The following FBN2 variants were observed in gnomAD, a reference collection of about 807,000 sequenced individuals.
FBN2 encodes fibrillin-2.
Under a neutral mutation model 355.6 loss-of-function variants are expected in FBN2, and 105 were observed. The ratio of observed to expected loss-of-function variants is 0.30; its 90% CI spans 0.25 to 0.35. FBN2 has a LOEUF of 0.35. FBN2 is among the 10% of genes least tolerant of loss of function. FBN2 has a pLI of 1.00. For synonymous variants in FBN2, 1,350 were observed against 1,301.2 expected (o/e 1.04, Z -0.81); for missense variants, 3,280 against 3,758.7 (o/e 0.87, Z 3.33).
chr5:128,393,440 G>T, intron 9 of FBN2, 72 bp from the exon 10 acceptor site: 1 of 1,306,552 alleles, frequency 7.7e-7, no homozygotes, highest in Non-Finnish European at 1.1e-6. Flanking sequence ...TTGGTACACT[G>T]TACTAAGTCA....
chr5:128,311,465 C>T (rs1561764519), intron 38 of FBN2, 40 bp from the exon 39 acceptor site: 1 of 1,608,026 alleles, frequency 6.2e-7, no homozygotes, highest in Non-Finnish European at 8.5e-7. Flanking sequence ...CAAACACCTT[C>T]ACTAAGGATA....
At chr5:128,446,375 A>AAAG (rs2127056574) in intron 7 of FBN2, 106 bp downstream of exon 7, 5 of 1,166,492 alleles carry the variant, frequency 4.3e-6, no homozygotes, top group Non-Finnish European at 6.3e-6. Context: ...CATAGTAGAT[A>AAAG]AAGAGTTTTA....
intron 16 of FBN2, among the ~76,000 whole-genome samples, chr5:128,368,813 G>A (rs1191096023): frequency 6.6e-6 from 1 of 151,558 alleles, no homozygotes; most frequent in Non-Finnish European, 1.5e-5. Flanking sequence ...TGGGACTACA[G>A]GTGTGTGCCA....
chr5:128,445,331 T>C (rs948869174), intron 7 of FBN2, among the ~76,000 whole-genome samples: 1 of 152,188 alleles, frequency 6.6e-6, no homozygotes, highest in African/African-American at 2.4e-5. Context: ...GAGCTAAGTA[T>C]ACATGAACCA....
At chr5:128,430,598 C>G (rs1287621755) in intron 7 of FBN2, among the ~76,000 whole-genome samples, 3 of 152,118 alleles carry the variant, frequency 2.0e-5, no homozygotes, top group African/African-American at 7.2e-5. Context: ...AATCTCAGTA[C>G]TTTGGGAGGC....
intron 6 of FBN2, among the ~76,000 whole-genome samples, chr5:128,450,449 A>C (rs1754207552): frequency 6.6e-6 from 1 of 151,560 alleles, no homozygotes; most frequent in South Asian, 2.1e-4. Flanking sequence ...CAGGTCAAAG[A>C]AAAAAAATCA....
intron 36 of FBN2, among the ~76,000 whole-genome samples, chr5:128,314,815 A>G (rs552407628): frequency 2.6e-4 from 39 of 152,312 alleles, no homozygotes; most frequent in South Asian, 6.2e-4. Flanking sequence ...ATGTACACAA[A>G]TGTCTTTTGT....
intron 19 of FBN2, among the ~76,000 whole-genome samples, chr5:128,358,356 G>C (rs1225786681): frequency 1.3e-5 from 2 of 151,940 alleles, no homozygotes; most frequent in African/African-American, 4.8e-5. Flanking sequence ...AGTCCTCAAG[G>C]CATTTTATAT....
intron 16 of FBN2, among the ~76,000 whole-genome samples, chr5:128,366,960 C>T (rs1000715277): frequency 2.0e-5 from 3 of 152,042 alleles, no homozygotes; most frequent in African/African-American, 4.8e-5. Flanking sequence ...GTGGAGAAGC[C>T]GACTTGGCTC....
At chr5:128,294,949 T>C (rs1749460240) in intron 48 of FBN2, among the ~76,000 whole-genome samples, 1 of 140,422 alleles carries the variant, frequency 7.1e-6, no homozygotes, top group African/African-American at 2.7e-5. Context: ...GGTTTTCTTC[T>C]AGGGTTTTTA....
At chr5:128,336,205 G>C (rs1029623968) in intron 27 of FBN2, 92 bp from the exon 28 acceptor site, 83 of 1,283,650 alleles carry the variant, frequency 6.5e-5, no homozygotes, top group Non-Finnish European at 8.7e-5. Context: ...GTCTCCAAAG[G>C]GGTTTGTGTA....
In FBN2 at chr5:128,392,021, T is replaced by C. The variant is rs1752527949; in HGVS notation, c.1600A>G (p.Ile534Val). ...TATTAAAGAATCACAAACTTACCTATACAATCTCCATTTGCATCCTGCTTA... is the reference window on the plus strand; with the variant it reads ...TATTAAAGAATCACAAACTTACCTACACAATCTCCATTTGCATCCTGCTTA... ...GYKQDANGDC[I>V]DVDECTSNPC... Residue 534 changes from isoleucine (I) to valine (V), a missense_variant, in exon 11 of 65, where the codon ATA becomes GTA. Coordinates refer to ENST00000262464, the MANE Select transcript of FBN2 (RefSeq NM_001999.4). 3.1e-6 allele frequency: 5 copies of C among 1,613,580 alleles called. No individual in the cohort carries two copies. Among genetic ancestry groups the C allele is most frequent in the Non-Finnish European group, 3.4e-6 (4 of 1,179,576 alleles).
rs1277839564 is a variant in FBN2 at position 128,530,521 on chromosome 5, C to T, written c.436+74G>A. 8.2e-6 allele frequency: 8 copies of T among 972,106 alleles called. No individual in the cohort carries two copies. In the Admixed American group the frequency reaches 8.6e-5, roughly 10 times the overall value. 60.2% of individuals were successfully genotyped at this position (972,106 alleles called of 1,614,324 possible). A position where few individuals can be genotyped will look rare whatever the true frequency, so the allele number is the denominator to read the frequency against. On this transcript the variant is annotated intron_variant, in intron 3 of 64. Transcript: ENST00000262464. ...TAATAACAGTTAAAACTCCCTGGCA[C>T]ATAGAAGGACCTTTAGCATTTGCTC...
At chr5:128,484,308 A>G (rs116008540) in intron 5 of FBN2, among the ~76,000 whole-genome samples, 143 of 152,362 alleles carry the variant, frequency 9.4e-4, no homozygotes, top group African/African-American at 3.2e-3. Context: ...TAAAAAGGGA[A>G]TTAGTTAAAG....
At chr5:128,479,976 CTATATATATATATATATATATATATATA>C (rs200921131) in intron 5 of FBN2, among the ~76,000 whole-genome samples, 23 of 29,064 alleles carry the variant, frequency 7.9e-4, no homozygotes, top group African/African-American at 2.4e-3. Context: ...CTCTCTCTCT[CTATATATATATATATATATATATATATA>C]TATATATATA....
chr5:128,292,601 G>A (rs1749356007), intron 48 of FBN2, among the ~76,000 whole-genome samples: 1 of 151,726 alleles, frequency 6.6e-6, no homozygotes, highest in South Asian at 2.1e-4. Flanking sequence ...CAACACCACC[G>A]CCACCACCAC....
At chr5:128,349,848 G>GTCAAT in intron 22 of FBN2, 107 bp downstream of exon 22, 1 of 869,384 alleles carries the variant, frequency 1.2e-6, no homozygotes, top group Non-Finnish European at 1.9e-6. Flanking sequence ...TTATTGAAAT[G>GTCAAT]TCAAGGTTTT....
chr5:128,537,888 A>C lies in FBN2; in HGVS notation c.-285T>G. The C allele has an allele frequency of 7.5e-6, 4 of 532,628 alleles. No individual in the cohort carries two copies. The highest frequency in any genetic ancestry group is 3.3e-5 in the East Asian group (1 of 30,314). The allele number at this position is 532,628 out of a possible 1,614,324, so 33.0% of individuals were successfully genotyped here. A position where few individuals can be genotyped will look rare whatever the true frequency, so the allele number is the denominator to read the frequency against. ...CGGTACACGTTGCATAACCGGCCTA[A>C]AGCCCCGAGCGACTCCAGGACCGTC... is the stretch of plus-strand genomic sequence containing the variant. On this transcript the variant is annotated 5_prime_UTR_variant, in exon 1 of 65. Transcript: ENST00000262464.
In FBN2 at chr5:128,309,967, A is replaced by G. The variant is rs774027945; in HGVS notation, c.5200+16T>C. On this transcript the variant is annotated intron_variant, in intron 40 of 64. Coordinates refer to ENST00000262464, the MANE Select transcript of FBN2 (RefSeq NM_001999.4). ...CAACAACTGTGCTCTAATTAATCTCAGAGTTCTTTACCTACCCATGCAGTT... is the reference window on the plus strand; with the variant it reads ...CAACAACTGTGCTCTAATTAATCTCGGAGTTCTTTACCTACCCATGCAGTT... The G allele has an allele frequency of 7.5e-6, 12 of 1,610,224 alleles. No homozygotes were observed. In the East Asian group the frequency reaches 2.2e-4, roughly 30 times the overall value.
Sources: allele counts gnomAD v4.1 joint callset (sites outside exome capture counted in the v4.1 genomes callset), GRCh38; gene constraint gnomAD v4.1.1; transcripts MANE v1.5; gene names NCBI Gene and HGNC (gene_info 2026-07-23, HGNC 2026-07-21).